Variants in NEGR1 observed in about 807,000 individuals in gnomAD.
The protein encoded by NEGR1 is IgLON family member 4.
A neutral mutation model predicts 40.9 loss-of-function variants in NEGR1; 10 were observed. That is an observed-to-expected ratio of 0.24 (90% CI 0.15 to 0.42). NEGR1 has a LOEUF of 0.42. Among genes scored for constraint, NEGR1 ranks in the 10% least tolerant of loss-of-function variants. The probability of loss-of-function intolerance (pLI) is 1.00; values close to 1 mark genes in which losing one functional copy is unlikely to be tolerated. For synonymous variants in NEGR1, 185 were observed against 166.8 expected, an observed-to-expected ratio of 1.11 and a Z score of -0.84; for missense variants, 352 against 438.9, an observed-to-expected ratio of 0.80 and a Z score of 1.77.
chr1:71,950,859 G>C (rs962662718), intron 1 of NEGR1, among the ~76,000 whole-genome samples: 1 of 151,852 alleles, frequency 6.6e-6, no homozygotes, highest in African/African-American at 2.4e-5. Flanking sequence ...GGACTACATG[G>C]ATACCATACG....
At chr1:71,454,823 A>C (rs377417363) in intron 6 of NEGR1, among the ~76,000 whole-genome samples, 4 of 152,326 alleles carry the variant, frequency 2.6e-5, no homozygotes, top group South Asian at 4.1e-4. Context: ...AAATGCAAAA[A>C]GTCTTTATAA....
chr1:72,193,762 T>A lies in NEGR1; in HGVS notation c.176+88557A>T, dbSNP rs1032174031. On this transcript the variant is annotated intron_variant, in intron 1 of 6. Coordinates refer to ENST00000357731, the MANE Select transcript of NEGR1 (RefSeq NM_173808.3). ...GGCATTACATGTATATTTTTAAAAA[T>A]ATAAAAAGAATATTTTTAAAGTGTT... Among the ~76,000 whole-genome samples the A allele has an allele frequency of 2.0e-5, 3 of 151,612 alleles. No homozygotes were observed. The Admixed American group carries it at 2.0e-4, about 10-fold the overall frequency.
intron 3 of NEGR1, among the ~76,000 whole-genome samples, chr1:71,743,390 T>A (rs1009090227): frequency 4.6e-5 from 7 of 151,430 alleles, no homozygotes; most frequent in African/African-American, 1.7e-4. Flanking sequence ...GGATAGCTAA[T>A]GATTCAGCTG....
Position 71,398,119 on chromosome 1 carries a change from A to G in NEGR1, c.*9327T>C, listed in dbSNP as rs1202322803. 5 of 152,188 alleles carry G rather than the reference A, an allele frequency of 3.3e-5. No individual in the cohort carries two copies. The highest frequency in any genetic ancestry group is 1.2e-4 in the African/African-American group (5 of 41,456). 9.4% of individuals were successfully genotyped at this position (152,188 alleles called of 1,614,324 possible). ...GTATAGAAATGCCTGGATGCCCAGA[A>G]TGAAGTTCTCCTCATGGAGAACCTC... On this transcript the variant is annotated 3_prime_UTR_variant, in exon 7 of 7. Transcript: ENST00000357731.
At chr1:71,813,168 G>A (rs1658065902) in intron 2 of NEGR1, among the ~76,000 whole-genome samples, 1 of 151,966 alleles carries the variant, frequency 6.6e-6, no homozygotes, top group Non-Finnish European at 1.5e-5. Context: ...AGTTTTCCCA[G>A]CACCACTTAT....
At chr1:71,984,291 T>A (rs1646377096) in intron 1 of NEGR1, among the ~76,000 whole-genome samples, 2 of 150,778 alleles carry the variant, frequency 1.3e-5, no homozygotes, top group African/African-American at 2.4e-5. Flanking sequence ...AACTTTTTTT[T>A]AATTAAAAAA....
chr1:71,578,149 T>C (rs957488039), intron 6 of NEGR1, among the ~76,000 whole-genome samples: 2 of 152,172 alleles, frequency 1.3e-5, no homozygotes, highest in Non-Finnish European at 2.9e-5. Flanking sequence ...ATTTATATTA[T>C]ACTTGCTGAT....
At chr1:71,545,298 A>G (rs1210702322) in intron 6 of NEGR1, among the ~76,000 whole-genome samples, 1 of 151,650 alleles carries the variant, frequency 6.6e-6, no homozygotes, top group Non-Finnish European at 1.5e-5. Flanking sequence ...CTTCTTAGGT[A>G]GATGCAACCT....
intron 3 of NEGR1, among the ~76,000 whole-genome samples, chr1:71,718,097 T>C (rs892579484): frequency 1.2e-4 from 19 of 152,184 alleles, no homozygotes; most frequent in African/African-American, 4.3e-4. Flanking sequence ...TGAAAAAATT[T>C]TGTAAAGGCG....
intron 1 of NEGR1, among the ~76,000 whole-genome samples, chr1:72,216,907 T>A (rs1474468995): frequency 6.6e-6 from 1 of 151,090 alleles, no homozygotes. Context: ...TTCCTTTAGA[T>A]AGTTCTTGTC....
At chr1:71,848,888 G>C (rs1451904553) in intron 2 of NEGR1, among the ~76,000 whole-genome samples, 1 of 152,078 alleles carries the variant, frequency 6.6e-6, no homozygotes, top group Non-Finnish European at 1.5e-5. Flanking sequence ...TTAGGAGTTT[G>C]AGACCAGCCT....
At chr1:71,977,212 G>T (rs1026229253) in intron 1 of NEGR1, among the ~76,000 whole-genome samples, 14 of 152,182 alleles carry the variant, frequency 9.2e-5, no homozygotes, top group African/African-American at 3.4e-4. Context: ...TGTAATCCAA[G>T]CTACTTGGGA....
At chr1:72,017,071 T>C (rs1025624907) in intron 1 of NEGR1, among the ~76,000 whole-genome samples, 2 of 152,074 alleles carry the variant, frequency 1.3e-5, no homozygotes, top group African/African-American at 4.8e-5. Context: ...GGTAATGTAA[T>C]GTGCATACAT....
rs370410358 is a variant in NEGR1, at chr1:71,914,794, G to T, written c.409+20285C>A. 9.9e-5 allele frequency among the ~76,000 whole-genome samples: 15 copies of T among 152,152 alleles called. No homozygotes were observed. In the East Asian group the frequency reaches 1.9e-3, roughly 20 times the overall value. On this transcript the variant is annotated intron_variant, in intron 2 of 6. Coordinates refer to ENST00000357731, the MANE Select transcript of NEGR1 (RefSeq NM_173808.3). ...CTCTGTCTCTGTCTCTGTGTTTCTT[G>T]CTTGTGTCATAATATCAAAGAAGTT...
chr1:71,551,342 T>A (rs962171485), intron 6 of NEGR1, among the ~76,000 whole-genome samples: 5 of 151,622 alleles, frequency 3.3e-5, no homozygotes, highest in African/African-American at 1.2e-4. Flanking sequence ...AATGGCCTAA[T>A]GAACTATTCA....
intron 6 of NEGR1, among the ~76,000 whole-genome samples, chr1:71,529,214 C>G (rs1647287876): frequency 6.6e-6 from 1 of 151,114 alleles, no homozygotes; most frequent in African/African-American, 2.4e-5. Context: ...TGCCTATAGA[C>G]TAAAAATGGT....
intron 6 of NEGR1, among the ~76,000 whole-genome samples, chr1:71,506,615 A>G (rs1407898751): frequency 1.3e-5 from 2 of 152,230 alleles, no homozygotes; most frequent in Non-Finnish European, 2.9e-5. Flanking sequence ...GGTCATAACA[A>G]TGAATACTTG....
chr1:72,098,501 ATCATT>A (rs909345315), intron 1 of NEGR1, among the ~76,000 whole-genome samples: 2 of 152,140 alleles, frequency 1.3e-5, no homozygotes, highest in Non-Finnish European at 2.9e-5. Flanking sequence ...CTTATCAAGA[ATCATT>A]TCAAGACCCT....
At chr1:71,717,294 A>G (rs556501680) in intron 3 of NEGR1, among the ~76,000 whole-genome samples, 50 of 152,342 alleles carry the variant, frequency 3.3e-4, no homozygotes, top group Non-Finnish European at 5.7e-4. Context: ...AATACTGTTT[A>G]CATGTCCTCT....
Sources: allele counts gnomAD v4.1 joint callset (sites outside exome capture counted in the v4.1 genomes callset), GRCh38; gene constraint gnomAD v4.1.1; transcripts MANE v1.5; gene names NCBI Gene and HGNC (gene_info 2026-07-23, HGNC 2026-07-21).